The following CHCHD6 variants were observed in gnomAD, a reference collection of about 807,000 sequenced individuals.
The protein encoded by CHCHD6 is coiled-coil-helix-coiled-coil-helix domain containing 6.
CHCHD6 carries 28 observed loss-of-function variants against 32.3 expected under a neutral mutation model. That is an observed-to-expected ratio of 0.87 (90% CI 0.64 to 1.19). The LOEUF (loss-of-function observed/expected upper bound fraction) is 1.19, where lower values mean the gene tolerates loss of function less well. Among genes scored for constraint, CHCHD6 ranks in the 50% most tolerant of loss-of-function variants. The pLI is 0.00. For synonymous variants in CHCHD6, 122 were observed against 117.5 expected (o/e 1.04, Z -0.25); for missense variants, 333 against 307.0 (o/e 1.08, Z -0.63).
At chr3:126,748,792 A>T (rs1235921332) in intron 4 of CHCHD6, among the ~76,000 whole-genome samples, 3 of 152,046 alleles carry the variant, frequency 2.0e-5, no homozygotes, top group South Asian at 4.2e-4. Flanking sequence ...TCCATTCAAG[A>T]CATGTTCCCT....
chr3:126,898,167 C>T lies in CHCHD6; in HGVS notation c.496-16513C>T, dbSNP rs191288558. 1.6e-3 allele frequency among the ~76,000 whole-genome samples: 245 copies of T among 152,370 alleles called. 2 individuals are homozygous for T. The highest frequency in any genetic ancestry group is 9.6e-4 in the Non-Finnish European group (65 of 68,040). On this transcript the variant is annotated intron_variant, in intron 5 of 7. Transcript: ENST00000290913. Reference sequence around the variant, plus strand: ...TCAGCATCCTGCCGCCAGCCCGGCTCGCACCCCCTGGACTGTCCTTCCAAA... The same window carrying T: ...TCAGCATCCTGCCGCCAGCCCGGCTTGCACCCCCTGGACTGTCCTTCCAAA...
chr3:126,864,455 A>G (rs1156537653), intron 5 of CHCHD6, among the ~76,000 whole-genome samples: 1 of 132,842 alleles, frequency 7.5e-6, no homozygotes. Flanking sequence ...CATCACTGCC[A>G]CCACCACCTC....
intron 5 of CHCHD6, among the ~76,000 whole-genome samples, chr3:126,858,471 C>T (rs765663764): frequency 7.6e-4 from 116 of 152,288 alleles, no homozygotes; most frequent in South Asian, 1.4e-3. Flanking sequence ...CAGGGGTGCC[C>T]CATGGCCTCT....
In CHCHD6 at chr3:126,896,823, G is replaced by A. The variant is rs181323271; in HGVS notation, c.496-17857G>A. ...GGGTGCTGCTCCAGTCCAGCCAGCT[G>A]GAGCGCAGAGGAGACATGGGGGCTG... On this transcript the variant is annotated intron_variant, in intron 5 of 7. Transcript: ENST00000290913. Among the ~76,000 whole-genome samples the A allele has an allele frequency of 8.3e-4, 126 of 152,324 alleles. 1 individual carries two copies. The highest frequency in any genetic ancestry group is 2.9e-3 in the African/African-American group (119 of 41,572).
At chr3:126,715,237 A>T (rs1934953733) in intron 1 of CHCHD6, among the ~76,000 whole-genome samples, 3 of 152,012 alleles carry the variant, frequency 2.0e-5, no homozygotes, top group Admixed American at 6.5e-5. Flanking sequence ...GGTCCCTGTT[A>T]AGTGTCCAGG....
intron 4 of CHCHD6, among the ~76,000 whole-genome samples, chr3:126,815,561 G>A (rs550759266): frequency 2.0e-5 from 3 of 151,436 alleles, no homozygotes; most frequent in South Asian, 2.1e-4. Context: ...TCAACCTTGC[G>A]TTTTCCTTCT....
chr3:126,862,456 T>TCCC (rs1941957397), intron 5 of CHCHD6, among the ~76,000 whole-genome samples: 1 of 114,816 alleles, frequency 8.7e-6, no homozygotes, highest in African/African-American at 3.3e-5. Context: ...CACCACCTCC[T>TCCC]CCTCCACCAT....
At chr3:126,767,618 G>A (rs1937430708) in intron 4 of CHCHD6, 1 of 323,254 alleles carries the variant, frequency 3.1e-6, no homozygotes, top group South Asian at 4.3e-5. Flanking sequence ...TTTAGGTTCA[G>A]GGGTGCTTGT....
intron 4 of CHCHD6, among the ~76,000 whole-genome samples, chr3:126,739,385 C>T (rs931269076): frequency 6.6e-6 from 1 of 152,016 alleles, no homozygotes; most frequent in Non-Finnish European, 1.5e-5. Context: ...ATGTAAAAAC[C>T]ATACTTAGCT....
At chr3:126,801,253 G>A (rs546225529) in intron 4 of CHCHD6, among the ~76,000 whole-genome samples, 1 of 152,354 alleles carries the variant, frequency 6.6e-6, no homozygotes, top group African/African-American at 2.4e-5. Context: ...CCGAAGCAGG[G>A]CGAGGCATTG....
chr3:126,759,357 A>G (rs1937081289), intron 4 of CHCHD6, among the ~76,000 whole-genome samples: 1 of 152,234 alleles, frequency 6.6e-6, no homozygotes, highest in Non-Finnish European at 1.5e-5. Context: ...TCTCACCACA[A>G]TAAGATGATT....
rs546858188 is a variant in CHCHD6 at position 126,925,461 on chromosome 3, T to C, written c.566+10711T>C. ...TTTGCAATGAGGCATTATAATGTGA[T>C]AACCAAGGGAAGTTGTACAGCGCTC... is the stretch of plus-strand genomic sequence containing the variant. On this transcript the variant is annotated intron_variant, in intron 6 of 7. Transcript: ENST00000290913. Among the ~76,000 whole-genome samples, 4 of 152,352 alleles carry C rather than the reference T, an allele frequency of 2.6e-5. No individual in the cohort carries two copies. In the South Asian group the frequency reaches 8.3e-4, roughly 32 times the overall value.
intron 4 of CHCHD6, among the ~76,000 whole-genome samples, chr3:126,824,318 T>A (rs1364824781): frequency 6.6e-6 from 1 of 151,570 alleles, no homozygotes; most frequent in African/African-American, 2.4e-5. Flanking sequence ...TCCCAGTACT[T>A]TGGGAGGCTG....
chr3:126,708,434 T>C (rs1482121772), intron 1 of CHCHD6, among the ~76,000 whole-genome samples: 2 of 152,238 alleles, frequency 1.3e-5, no homozygotes, highest in South Asian at 4.2e-4. Flanking sequence ...GCTGTGAACA[T>C]GTTATTCTGG....
chr3:126,898,963 A>G (rs1479884089), intron 5 of CHCHD6, among the ~76,000 whole-genome samples: 1 of 152,000 alleles, frequency 6.6e-6, no homozygotes, highest in Admixed American at 6.6e-5. Context: ...CATCAAATGT[A>G]CATGTGTTGA....
intron 4 of CHCHD6, among the ~76,000 whole-genome samples, chr3:126,815,783 G>A (rs998634629): frequency 2.0e-5 from 3 of 151,880 alleles, no homozygotes; most frequent in Non-Finnish European, 4.4e-5. Flanking sequence ...CTACATTTCT[G>A]TGATCAAGTC....
intron 4 of CHCHD6, among the ~76,000 whole-genome samples, chr3:126,813,563 C>A (rs1013129645): frequency 1.3e-5 from 2 of 152,204 alleles, no homozygotes; most frequent in Admixed American, 1.3e-4. Context: ...CTCCTTGAGT[C>A]ATCACAAACA....
At chr3:126,796,665 T>C (rs986076685) in intron 4 of CHCHD6, among the ~76,000 whole-genome samples, 2 of 152,106 alleles carry the variant, frequency 1.3e-5, no homozygotes, top group African/African-American at 4.8e-5. Context: ...GCTCCTGGGG[T>C]TAGGACTGTG....
intron 4 of CHCHD6, among the ~76,000 whole-genome samples, chr3:126,775,719 A>T (rs1937627224): frequency 1.3e-5 from 2 of 152,200 alleles, no homozygotes; most frequent in Admixed American, 6.5e-5. Flanking sequence ...ATGGAGGGGC[A>T]CCTCATGGCT....
Sources: gnomAD v4.1 joint callset for allele counts (sites outside exome capture counted in the v4.1 genomes callset) on GRCh38, gnomAD v4.1.1 for gene constraint, MANE v1.5 for transcripts, NCBI Gene and HGNC (gene_info 2026-07-23, HGNC 2026-07-21) for gene names.